The following SH3TC1 variants were observed in gnomAD, a reference collection of about 807,000 sequenced individuals.
SH3TC1 encodes the protein SH3 domain and tetratricopeptide repeats 1.
Under a neutral mutation model 117.3 loss-of-function variants are expected in SH3TC1, and 135 were observed. That is an observed-to-expected ratio of 1.15 (90% CI 1.00 to 1.33). SH3TC1 has a LOEUF of 1.33. Ranked by LOEUF, SH3TC1 falls within the 40% of genes most tolerant of loss-of-function variation. The pLI is 0.00. For synonymous variants in SH3TC1, 898 were observed against 816.9 expected (o/e 1.10, Z -1.69); for missense variants, 2,092 against 1,794.3 (o/e 1.17, Z -3.00).
At chr4:8,214,993 A>G (rs1229423965) in intron 5 of SH3TC1, among the ~76,000 whole-genome samples, 7 of 152,230 alleles carry the variant, frequency 4.6e-5, no homozygotes, top group African/African-American at 1.7e-4. Context: ...GCTTTAGAAC[A>G]GGCAGGCTCA....
chr4:8,223,263 G>A (rs1170278415), intron 10 of SH3TC1, among the ~76,000 whole-genome samples: 1 of 152,266 alleles, frequency 6.6e-6, no homozygotes, highest in Non-Finnish European at 1.5e-5. Flanking sequence ...GCGAGGGAGA[G>A]GGTATGGGTC....
chr4:8,182,783 C>T (rs989336523), intron 1 of SH3TC1, among the ~76,000 whole-genome samples: 1 of 152,202 alleles, frequency 6.6e-6, no homozygotes, highest in African/African-American at 2.4e-5. Flanking sequence ...TCTTCCCCTG[C>T]ACCCTGTGTC....
At position 8,205,541 on chromosome 4, in the gene SH3TC1, C is replaced by T. The variant is rs745840257; in HGVS notation, c.172+175C>T. 7.5e-6 allele frequency: 7 copies of T among 936,510 alleles called. No individual in the cohort carries two copies. Among genetic ancestry groups the T allele is most frequent in the Non-Finnish European group, 1.2e-5 (7 of 573,214 alleles). 58.0% of individuals were successfully genotyped at this position (936,510 alleles called of 1,614,324 possible). On this transcript the variant is annotated intron_variant, in intron 2 of 17. Transcript: ENST00000245105. This position sits in a 1 kb window ranked among gnomAD's most constrained non-coding sequence, Gnocchi z 5.4. ...TCCCCCGCGTGTGTTTAACAGGAGC[C>T]ACTGTGCCCGCTGAGTCACTTGAGA...
chr4:8,239,317 GCACAGA>G (rs1722109673), intron 17 of SH3TC1, among the ~76,000 whole-genome samples: 1 of 147,734 alleles, frequency 6.8e-6, no homozygotes, highest in African/African-American at 2.5e-5. Context: ...ACAGGCACAG[GCACAGA>G]GACACATGCA....
chr4:8,215,652 C>A (rs1014871003), intron 5 of SH3TC1, among the ~76,000 whole-genome samples: 2 of 152,190 alleles, frequency 1.3e-5, no homozygotes, highest in African/African-American at 4.8e-5. Flanking sequence ...AGGCTCACTG[C>A]CCCAGACGAG....
Position 8,228,430 on chromosome 4 carries a change from G to T in SH3TC1, c.2736G>T (p.Leu912=), listed in dbSNP as rs1215883330. The T allele has an allele frequency of 6.2e-7, 1 of 1,605,264 alleles. No homozygotes were observed. ...QAVGLANFGA[L]CLHAGASRLA... ...TGGGGCTGGCCAACTTCGGGGCCCT[G>T]TGCCTGCATGCGGGTGCCAGCAGGC... The change falls in exon 12 of 18, where the codon CTG becomes CTT. Residue 912 remains leucine (L), a synonymous_variant. Transcript: ENST00000245105.
At chr4:8,238,369 G>C (rs1487980785) in intron 17 of SH3TC1, among the ~76,000 whole-genome samples, 1 of 152,196 alleles carries the variant, frequency 6.6e-6, no homozygotes, top group East Asian at 1.9e-4. Flanking sequence ...GCCCTGCAGG[G>C]GTGGAGAACT....
At position 8,227,922 on chromosome 4, in the gene SH3TC1, G is replaced by C. The variant is rs1204484251; in HGVS notation, c.2228G>C (p.Gly743Ala). The C allele has an allele frequency of 6.2e-7, 1 of 1,612,516 alleles. No individual in the cohort carries two copies. The highest frequency in any genetic ancestry group is 1.7e-5 in the Admixed American group (1 of 59,998). Reference protein sequence around the residue: ...ASLRTRGSLAGSLRSVNLVLQ... With the variant: ...ASLRTRGSLAASLRSVNLVLQ... ...TTGCGGACACGGGGCTCGCTGGCCGGCTCGCTGAGGAGTGTGAACCTGGTG... is the reference window on the plus strand; with the variant it reads ...TTGCGGACACGGGGCTCGCTGGCCGCCTCGCTGAGGAGTGTGAACCTGGTG... Residue 743 changes from glycine (G) to alanine (A), a missense_variant, in exon 12 of 18, where the codon GGC becomes GCC. Coordinates refer to ENST00000245105, the MANE Select transcript of SH3TC1 (RefSeq NM_018986.5).
In SH3TC1 at chr4:8,237,653, A is replaced by G; in HGVS notation, c.3736A>G (p.Ile1246Val). The G allele has an allele frequency of 6.2e-7, 1 of 1,606,386 alleles. No individual in the cohort carries two copies. Among genetic ancestry groups the G allele is most frequent in the Non-Finnish European group, 8.5e-7 (1 of 1,176,066 alleles). ...VKVYLVLGDI[I>V]FYDLKDPFDA... The stretch of plus-strand genomic sequence containing the variant: ...GGTGTACCTGGTGCTCGGTGACATC[A>G]TCTTCTACGACCTGAAGGTGGGTGG... Residue 1246 changes from isoleucine (I) to valine (V), a missense_variant, in exon 17 of 18, where the codon ATC becomes GTC. Physicochemically the swap from Ile to Val is conservative, Grantham distance 29. Coordinates refer to ENST00000245105, the MANE Select transcript of SH3TC1 (RefSeq NM_018986.5).
intron 15 of SH3TC1, chr4:8,235,838 C>T: frequency 2.6e-6 from 1 of 388,916 alleles, no homozygotes; most frequent in Non-Finnish European, 4.6e-6. Flanking sequence ...GAAACTGAGG[C>T]TCAGAGAGGC....
chr4:8,197,651 G>A (rs1717601015), upstream of SH3TC1, among the ~76,000 whole-genome samples: 1 of 152,208 alleles, frequency 6.6e-6, no homozygotes, highest in African/African-American at 2.4e-5. Flanking sequence ...AGGCCGGGCC[G>A]GGGAGCCTGG....
intron 1 of SH3TC1, among the ~76,000 whole-genome samples, chr4:8,191,167 G>A (rs1263756628): frequency 6.6e-6 from 1 of 152,216 alleles, no homozygotes; most frequent in Non-Finnish European, 1.5e-5. Context: ...ACTGTGCTAA[G>A]GAGTCTCAGG....
rs533683282 is a variant in SH3TC1, at chr4:8,209,363, G to A, written c.173-385G>A. ...GTGACAAAGCGGAAGTAGAAGTGGC[G>A]GCCACAAGCCGAGGGACGTGTGCGG... On this transcript the variant is annotated intron_variant, in intron 2 of 17. Coordinates refer to ENST00000245105, the MANE Select transcript of SH3TC1 (RefSeq NM_018986.5). The surrounding 1 kb of genome is among the most constrained non-coding windows in gnomAD (Gnocchi z 5.9). Among the ~76,000 whole-genome samples, 2 of 152,286 alleles carry A rather than the reference G, an allele frequency of 1.3e-5. No homozygotes were observed. Among genetic ancestry groups the A allele is most frequent in the South Asian group, 4.1e-4 (2 of 4,820 alleles).
chr4:8,228,232 C>T lies in SH3TC1; in HGVS notation c.2538C>T (p.Asp846=), dbSNP rs367788622. The T allele has an allele frequency of 3.6e-5, 58 of 1,609,378 alleles. No homozygotes were observed. The highest frequency in any genetic ancestry group is 5.0e-5 in the Admixed American group (3 of 59,824). Residue 846 remains aspartate (D), a synonymous_variant, in exon 12 of 18, where the codon GAC becomes GAT. Coordinates refer to ENST00000245105, the MANE Select transcript of SH3TC1 (RefSeq NM_018986.5). ...VLHGQSPVAL[D]ILQSVRDAVV... ...ATGGGCAGAGCCCGGTGGCCCTGGA[C>T]ATCCTGCAGTCTGTCCGGGATGCAG...
rs1432623161 is a variant in SH3TC1 at position 8,186,343 on chromosome 4, G to GA, written c.-57+4138dup. ...CAAGGTCAGGAAAACAGGGACATCT[G>GA]AAAAACCTTCCCGGCCAAAAGGCAC... On this transcript the variant is annotated intron_variant, in intron 1 of 16. Transcript: ENST00000508641. This position sits in a 1 kb window ranked among gnomAD's most constrained non-coding sequence, Gnocchi z 5.2. 6.6e-6 allele frequency among the ~76,000 whole-genome samples: 1 copy of GA among 152,208 alleles called. No individual in the cohort carries two copies. Among genetic ancestry groups the GA allele is most frequent in the East Asian group, 1.9e-4 (1 of 5,184 alleles).
chr4:8,234,876 T>C (rs759592321), intron 14 of SH3TC1, among the ~76,000 whole-genome samples: 12 of 152,246 alleles, frequency 7.9e-5, no homozygotes, highest in Non-Finnish European at 1.5e-4. Flanking sequence ...CCTTACAAAA[T>C]GCATCTGTCA....
chr4:8,239,894 G>T (rs1722183758), intron 17 of SH3TC1, among the ~76,000 whole-genome samples: 1 of 152,226 alleles, frequency 6.6e-6, no homozygotes, highest in Non-Finnish European at 1.5e-5. Flanking sequence ...GGGGGGCGTT[G>T]GATGAGCAGT....
chr4:8,228,241 G>C lies in SH3TC1; in HGVS notation c.2547G>C (p.Gln849His). The C allele has an allele frequency of 1.2e-6, 2 of 1,610,250 alleles. No homozygotes were observed. Among genetic ancestry groups the C allele is most frequent in the African/African-American group, 1.3e-5 (1 of 75,036 alleles). ...GCCCGGTGGCCCTGGACATCCTGCA[G>C]TCTGTCCGGGATGCAGTGGTGGCCA... ...GQSPVALDIL[Q>H]SVRDAVVASE... The change falls in exon 12 of 18, where the codon CAG (glutamine) becomes CAC (histidine). Residue 849 changes from glutamine to histidine, a missense_variant. By Grantham distance (24) the Gln-to-His change is conservative. Transcript: ENST00000245105.
rs1179132419 is a variant in SH3TC1, at chr4:8,205,214, T to C, written c.20T>C (p.Val7Ala). ...CGGGTCATGGAGAACCTCCCTGCCGTGACCACTGAGGAGCCGACCCCCATG... is the reference window on the plus strand; with the variant it reads ...CGGGTCATGGAGAACCTCCCTGCCGCGACCACTGAGGAGCCGACCCCCATG... MENLPA[V>A]TTEEPTPMGR... Residue 7 changes from valine (V) to alanine (A), a missense_variant, in exon 2 of 18, where the codon GTG becomes GCG. By Grantham distance (64) the Val-to-Ala change is moderately conservative. Transcript: ENST00000245105. This position sits in a 1 kb window ranked among gnomAD's most constrained non-coding sequence, Gnocchi z 5.4. The C allele has an allele frequency of 1.9e-6, 3 of 1,543,654 alleles. No individual in the cohort carries two copies. The highest frequency in any genetic ancestry group is 2.6e-6 in the Non-Finnish European group (3 of 1,144,746).
Sources: gnomAD v4.1 joint callset for allele counts (sites outside exome capture counted in the v4.1 genomes callset) on GRCh38, gnomAD v4.1.1 for gene constraint, Gnocchi (gnomAD v3.1) non-coding constraint, MANE v1.5 for transcripts, NCBI Gene and HGNC (gene_info 2026-07-23, HGNC 2026-07-21) for gene names.